ST7L: variants seen among roughly 807,000 people sequenced by gnomAD.
ST7L encodes suppression of tumorigenicity 7 like, also known as suppressor of tumorigenicity 7 protein-like.
ST7L carries 57 observed loss-of-function variants against 72.5 expected under a neutral mutation model. The observed-to-expected ratio is 0.79, with a 90% CI of 0.64 to 0.98. The LOEUF (loss-of-function observed/expected upper bound fraction) is 0.98, where lower values mean the gene tolerates loss of function less well. Ranked by LOEUF, ST7L falls within the 50% of genes least tolerant of loss-of-function variation. The pLI is 0.00. For missense variants in ST7L, 576 were observed against 672.2 expected (o/e 0.86, Z 1.58); for synonymous variants, 221 against 240.9 (o/e 0.92, Z 0.77).
At chr1:112,602,351 C>G (rs1272539463) in intron 3 of ST7L, among the ~76,000 whole-genome samples, 1 of 152,158 alleles carries the variant, frequency 6.6e-6, no homozygotes, top group Non-Finnish European at 1.5e-5. Flanking sequence ...TTGCATGACC[C>G]TGAGAGTAAG....
At chr1:112,566,022 A>G (rs954033928) in intron 11 of ST7L, among the ~76,000 whole-genome samples, 11 of 152,002 alleles carry the variant, frequency 7.2e-5, no homozygotes, top group African/African-American at 2.4e-4. Flanking sequence ...AGAAAAAAAA[A>G]AAAGGTACAG....
intron 6 of ST7L, among the ~76,000 whole-genome samples, chr1:112,587,498 G>A (rs1665038500): frequency 6.6e-6 from 1 of 152,218 alleles, no homozygotes; most frequent in Non-Finnish European, 1.5e-5. Context: ...AGCTACTTGG[G>A]AGGCTGAGGC....
At chr1:112,611,487 A>C (rs1669058461) in intron 2 of ST7L, among the ~76,000 whole-genome samples, 2 of 152,254 alleles carry the variant, frequency 1.3e-5, no homozygotes, top group Non-Finnish European at 2.9e-5. Context: ...AATGTGGTTA[A>C]CAAGAATTAT....
intron 7 of ST7L, among the ~76,000 whole-genome samples, chr1:112,583,204 C>T (rs1216561357): frequency 1.3e-5 from 2 of 152,018 alleles, no homozygotes; most frequent in East Asian, 3.8e-4. Flanking sequence ...TTAATTTACA[C>T]ATAAAAAAAG....
rs763113071 is a variant in ST7L, at chr1:112,526,156, TC to T, written c.1630-46del. ...ACAAAATGTTCAAGCCCTGTAGGAG[TC>T]CCAGGACAGCCAAGAGAGTATATCT... is the stretch of plus-strand genomic sequence containing the variant. On this transcript the variant is annotated intron_variant, in intron 14 of 14. Transcript: ENST00000358039. 392 of 1,612,572 alleles carry T rather than the reference TC, an allele frequency of 2.4e-4. 6 individuals are homozygous for T. The South Asian group carries it at 4.1e-3, about 17-fold the overall frequency.
chr1:112,619,173 G>A (rs114957749), upstream of ST7L: 177 of 1,516,256 alleles, frequency 1.2e-4, no homozygotes, highest in African/African-American at 2.2e-3. Flanking sequence ...ACCGGGAGTC[G>A]GGAATCCTGG....
At chr1:112,533,032 T>C (rs1654623650) in intron 14 of ST7L, among the ~76,000 whole-genome samples, 1 of 152,228 alleles carries the variant, frequency 6.6e-6, no homozygotes, top group African/African-American at 2.4e-5. Flanking sequence ...CCCTTTGATT[T>C]TGAAAGAAGA....
At chr1:112,560,409 C>A (rs2101648897) in intron 11 of ST7L, among the ~76,000 whole-genome samples, 1 of 151,720 alleles carries the variant, frequency 6.6e-6, no homozygotes, top group East Asian at 1.9e-4. Context: ...AACCCAAAAA[C>A]CAAAAAACAA....
chr1:112,542,579 C>CTTAAAAATTT (rs1207445662), intron 13 of ST7L, among the ~76,000 whole-genome samples: 6 of 151,906 alleles, frequency 3.9e-5, no homozygotes, highest in Admixed American at 3.9e-4. Flanking sequence ...CAAAATCGTG[C>CTTAAAAATTT]TTAAAAATTT....
intron 12 of ST7L, 63 bp from the exon 13 acceptor site, chr1:112,550,756 G>A (rs1657979834): frequency 1.5e-6 from 2 of 1,326,706 alleles, no homozygotes; most frequent in South Asian, 1.3e-5. Flanking sequence ...TATATTTGGA[G>A]ACAAATTTAT....
At chr1:112,565,211 A>ATTTTTTTTTTTTTTTTTTT (rs777969643) in intron 11 of ST7L, among the ~76,000 whole-genome samples, 2 of 57,940 alleles carry the variant, frequency 3.5e-5, no homozygotes, top group African/African-American at 1.7e-4. Flanking sequence ...TGTTCGGCTA[A>ATTTTTTTTTTTTTTTTTTT]TTTTTTTTTT....
chr1:112,568,861 A>AATAAATATAT (rs1553247583), intron 11 of ST7L, among the ~76,000 whole-genome samples: 10 of 114,918 alleles, frequency 8.7e-5, no homozygotes, highest in Admixed American at 2.2e-4. Flanking sequence ...TATAAATATA[A>AATAAATATAT]ATATATATAT....
intron 11 of ST7L, among the ~76,000 whole-genome samples, chr1:112,573,097 T>G (rs1422084002): frequency 1.3e-5 from 2 of 151,684 alleles, no homozygotes; most frequent in Non-Finnish European, 2.9e-5. Context: ...GCCTGTAATC[T>G]CAGCACTTTG....
intron 2 of ST7L, among the ~76,000 whole-genome samples, chr1:112,611,961 C>A (rs1383907730): frequency 1.7e-5 from 2 of 115,172 alleles, no homozygotes; most frequent in East Asian, 2.6e-4. Context: ...TAGAGTGAGA[C>A]CCTGTCTCAA....
intron 13 of ST7L, among the ~76,000 whole-genome samples, chr1:112,549,452 A>T (rs1657730240): frequency 6.6e-6 from 1 of 152,012 alleles, no homozygotes; most frequent in Admixed American, 6.6e-5. Context: ...ATGTCTCTCC[A>T]TTTATTTAGT....
At chr1:112,526,985 G>A (rs1653549704) in intron 14 of ST7L, 1 of 152,134 alleles carries the variant, frequency 6.6e-6, no homozygotes, top group Non-Finnish European at 1.5e-5. Flanking sequence ...CATGAGATGA[G>A]GCAGACAGCA....
chr1:112,589,801 C>T (rs1665417029), intron 6 of ST7L, among the ~76,000 whole-genome samples: 1 of 152,236 alleles, frequency 6.6e-6, no homozygotes, highest in Non-Finnish European at 1.5e-5. Flanking sequence ...CCTTCTCCTC[C>T]TACTTGTACA....
Position 112,602,739 on chromosome 1 carries a change from G to C in ST7L, c.452-1891C>G, listed in dbSNP as rs568195427. The stretch of plus-strand genomic sequence containing the variant: ...TTTTTTTTTTTTTTTTTTTTGAGAC[G>C]GAGTCTCTCTCTGTCGCCCAGGCTG... On this transcript the variant is annotated intron_variant, in intron 3 of 14. Transcript: ENST00000358039. Among the ~76,000 whole-genome samples the C allele has an allele frequency of 4.4e-3, 598 of 135,068 alleles. 4 individuals are homozygous for C. The highest frequency in any genetic ancestry group is 0.016 in the African/African-American group (575 of 36,402). 88.6% of individuals were successfully genotyped at this position (135,068 alleles called of 152,430 possible). A position where few individuals can be genotyped will look rare whatever the true frequency, so the allele number is the denominator to read the frequency against.
At chr1:112,591,777 T>A (rs1307850607) in intron 5 of ST7L, among the ~76,000 whole-genome samples, 174 bp from the exon 6 acceptor site, 5 of 152,188 alleles carry the variant, frequency 3.3e-5, no homozygotes, top group Non-Finnish European at 7.4e-5. Flanking sequence ...ACATTAAATT[T>A]GTAAGCTTCA....
Sources: allele counts gnomAD v4.1 joint callset (sites outside exome capture counted in the v4.1 genomes callset), GRCh38; gene constraint gnomAD v4.1.1; transcripts MANE v1.5; gene names NCBI Gene and HGNC (gene_info 2026-07-23, HGNC 2026-07-21).